The following ATP2B4 variants were observed in gnomAD, a reference collection of about 807,000 sequenced individuals.
ATP2B4 encodes plasma membrane calcium-transporting ATPase 4.
Under a neutral mutation model 110.3 loss-of-function variants are expected in ATP2B4, and 39 were observed. That is an observed-to-expected ratio of 0.35 (90% CI 0.27 to 0.46). ATP2B4 has a LOEUF of 0.46. ATP2B4 is among the 20% of genes least tolerant of loss of function. ATP2B4 has a pLI of 1.00. For missense variants in ATP2B4, 1,135 were observed against 1,530.9 expected (o/e 0.74, Z 4.32); for synonymous variants, 538 against 571.7 (o/e 0.94, Z 0.84).
chr1:203,649,707 T>C (rs1311432651), intron 1 of ATP2B4, among the ~76,000 whole-genome samples: 3 of 152,088 alleles, frequency 2.0e-5, no homozygotes, highest in Non-Finnish European at 4.4e-5. Flanking sequence ...GGTGGGAGGA[T>C]CACTGAGCCC....
chr1:203,669,929 C>G (rs1472164092), intron 1 of ATP2B4, among the ~76,000 whole-genome samples: 1 of 152,210 alleles, frequency 6.6e-6, no homozygotes, highest in African/African-American at 2.4e-5. Flanking sequence ...CTTTCTCTCC[C>G]CTGAGAGACT....
At chr1:203,642,741 T>C (rs1211612516) in intron 1 of ATP2B4, among the ~76,000 whole-genome samples, 2 of 152,130 alleles carry the variant, frequency 1.3e-5, no homozygotes, top group Non-Finnish European at 2.9e-5. Flanking sequence ...TGGTGTTATA[T>C]AAAAGTGCAG....
chr1:203,729,420 C>T (rs1221506906), intron 20 of ATP2B4, among the ~76,000 whole-genome samples: 1 of 151,654 alleles, frequency 6.6e-6, no homozygotes, highest in African/African-American at 2.4e-5. Context: ...TGGTGGGCGC[C>T]TGTAATCCCA....
rs201177984 is a variant in ATP2B4, at chr1:203,698,221, C to G, written c.258C>G (p.Pro86=). 38 of 1,614,210 alleles carry G rather than the reference C, an allele frequency of 2.4e-5. No individual in the cohort carries two copies. The African/African-American group carries it at 4.8e-4, about 20-fold the overall frequency. ...AGGTGTTTGGACACAACGTGATCCC[C>G]CCCAAAAAGCCCAAGACTTTCTTAG... ...RRQVFGHNVI[P]PKKPKTFLEL... Residue 86 remains proline, a synonymous_variant, in exon 3 of 21, where the codon CCC becomes CCG. Coordinates refer to ENST00000357681, the MANE Select transcript of ATP2B4 (RefSeq NM_001684.5).
At chr1:203,675,841 T>G (rs1024414107) in intron 1 of ATP2B4, among the ~76,000 whole-genome samples, 4 of 152,044 alleles carry the variant, frequency 2.6e-5, no homozygotes, top group Non-Finnish European at 5.9e-5. Context: ...GATGTGGGCT[T>G]TCCTTGGGTC....
At chr1:203,729,780 C>T (rs1003424709) in intron 20 of ATP2B4, 1 of 1,326,258 alleles carries the variant, frequency 7.5e-7, no homozygotes, top group South Asian at 1.2e-5. Flanking sequence ...GGAGTCCGGG[C>T]ACTGCCTGGA....
At position 203,724,590 on chromosome 1, in the gene ATP2B4, CA is replaced by C. The variant is rs201344415; in HGVS notation, c.3132+612del. Among the ~76,000 whole-genome samples the C allele has an allele frequency of 2.0e-3, 297 of 148,408 alleles. 3 individuals carry two copies. The East Asian group carries it at 0.028, about 14-fold the overall frequency. On this transcript the variant is annotated intron_variant, in intron 19 of 20. Coordinates refer to ENST00000357681, the MANE Select transcript of ATP2B4 (RefSeq NM_001684.5). The stretch of plus-strand genomic sequence containing the variant: ...CAAACTTTTCAATGGAATTTTGCTA[CA>C]AAAAAAAAATATATAATAAGGGTCT...
intron 9 of ATP2B4, 126 bp from the exon 10 acceptor site, chr1:203,707,736 C>G: frequency 7.4e-7 from 1 of 1,342,510 alleles, no homozygotes; most frequent in Admixed American, 1.9e-5. Flanking sequence ...CAGTCAGTAT[C>G]TTGGATTTTT....
intron 1 of ATP2B4, among the ~76,000 whole-genome samples, chr1:203,675,882 G>A (rs192833794): frequency 7.9e-5 from 12 of 152,270 alleles, no homozygotes; most frequent in Non-Finnish European, 1.3e-4. Context: ...TGAGATGACT[G>A]GAAGCAGAGA....
intron 1 of ATP2B4, among the ~76,000 whole-genome samples, chr1:203,643,845 G>A (rs566244599): frequency 6.6e-6 from 1 of 152,308 alleles, no homozygotes; most frequent in South Asian, 2.1e-4. Flanking sequence ...CGTTTTCACT[G>A]AGCCCACTCA....
chr1:203,693,631 T>C (rs1312950235), intron 2 of ATP2B4, among the ~76,000 whole-genome samples: 5 of 152,114 alleles, frequency 3.3e-5, no homozygotes, highest in Admixed American at 3.3e-4. Context: ...AATTCATAGG[T>C]TTGGACTCTG....
intron 20 of ATP2B4, among the ~76,000 whole-genome samples, chr1:203,731,266 TA>T (rs932942887): frequency 6.6e-6 from 1 of 152,210 alleles, no homozygotes; most frequent in African/African-American, 2.4e-5. Context: ...AAACTAGCCC[TA>T]AACAGCTCAT....
chr1:203,653,972 T>C (rs1462680458), intron 1 of ATP2B4, among the ~76,000 whole-genome samples: 1 of 122,568 alleles, frequency 8.2e-6, no homozygotes, highest in Non-Finnish European at 1.7e-5. Context: ...TATATATATA[T>C]ATATATATAT....
chr1:203,726,219 A>T (rs184296774), intron 19 of ATP2B4, among the ~76,000 whole-genome samples: 69 of 151,990 alleles, frequency 4.5e-4, no homozygotes, highest in Non-Finnish European at 1.0e-4. Context: ...GGATGACAAG[A>T]GTGAGACTCT....
At position 203,703,788 on chromosome 1, in the gene ATP2B4, C is replaced by T. The variant is rs1180473515; in HGVS notation, c.1074C>T (p.Arg358=). The T allele has an allele frequency of 6.2e-7, 1 of 1,613,928 alleles. No individual in the cohort carries two copies. Among genetic ancestry groups the T allele is most frequent in the Non-Finnish European group, 8.5e-7 (1 of 1,179,938 alleles). The change falls in exon 8 of 21, where the codon CGC becomes CGT. Residue 358 remains arginine, a synonymous_variant. Coordinates refer to ENST00000357681, the MANE Select transcript of ATP2B4 (RefSeq NM_001684.5). ...EKSVLQGKLT[R]LAVQIGKAGL... ...CAGTGCTGCAGGGCAAGCTGACTCG[C>T]CTGGCTGTTCAGATTGGGAAAGCCG...
At chr1:203,640,139 C>T (rs1663582610) in intron 1 of ATP2B4, among the ~76,000 whole-genome samples, 2 of 152,044 alleles carry the variant, frequency 1.3e-5, no homozygotes, top group South Asian at 2.1e-4. Flanking sequence ...GCTAGATATA[C>T]GTAAAGCTTA....
chr1:203,633,435 G>A (rs1308674669), intron 1 of ATP2B4, among the ~76,000 whole-genome samples: 2 of 152,090 alleles, frequency 1.3e-5, no homozygotes, highest in African/African-American at 4.8e-5. Flanking sequence ...ACTCTAGAAT[G>A]GGTGATAAAG....
intron 1 of ATP2B4, among the ~76,000 whole-genome samples, chr1:203,630,365 CTCTCT>C (rs775437507): frequency 0.22 from 20,572 of 93,334 alleles, 1,979 homozygotes; most frequent in East Asian, 0.34. Flanking sequence ...CTCTCTCTCT[CTCTCT>C]TTTTTTTTTT....
chr1:203,680,324 T>G (rs1424099873), intron 1 of ATP2B4, among the ~76,000 whole-genome samples: 1 of 152,018 alleles, frequency 6.6e-6, no homozygotes, highest in Non-Finnish European at 1.5e-5. Context: ...AAGATCAAAT[T>G]AGGCGGCTGG....
Sources: allele counts gnomAD v4.1 joint callset (sites outside exome capture counted in the v4.1 genomes callset), GRCh38; gene constraint gnomAD v4.1.1; transcripts MANE v1.5; gene names NCBI Gene and HGNC (gene_info 2026-07-23, HGNC 2026-07-21).